The following CSMD1 variants were observed in gnomAD, a reference collection of about 807,000 sequenced individuals.
The protein encoded by CSMD1 is CUB and Sushi multiple domains 1.
In CSMD1, 213 loss-of-function variants were observed where a neutral mutation model predicts 417.5. That is an observed-to-expected ratio of 0.51 (90% CI 0.46 to 0.57). The LOEUF (loss-of-function observed/expected upper bound fraction) is 0.57, where lower values mean the gene tolerates loss of function less well. Among genes scored for constraint, CSMD1 ranks in the 20% least tolerant of loss-of-function variants. The pLI is 0.00. For synonymous variants in CSMD1, 2,862 were observed against 1,736.8 expected (o/e 1.65, Z -16.11); for missense variants, 6,923 against 4,529.7 (o/e 1.53, Z -15.17).
At chr8:3,818,778 C>G (rs1305728031) in intron 5 of CSMD1, among the ~76,000 whole-genome samples, 1 of 152,072 alleles carries the variant, frequency 6.6e-6, no homozygotes, top group Non-Finnish European at 1.5e-5. Context: ...TGGCATAACC[C>G]CAAAACACCC....
At chr8:4,392,420 A>T in intron 3 of CSMD1, among the ~76,000 whole-genome samples, 1 of 152,230 alleles carries the variant, frequency 6.6e-6, no homozygotes, top group Non-Finnish European at 1.5e-5. Context: ...CCCTCCCAAA[A>T]ATATGAAGCC....
intron 7 of CSMD1, among the ~76,000 whole-genome samples, chr8:3,694,501 CAT>C (rs1800440563): frequency 6.6e-6 from 1 of 152,034 alleles, no homozygotes; most frequent in Non-Finnish European, 1.5e-5. Flanking sequence ...AAAGCATGTG[CAT>C]AGAGACAGTC....
At chr8:3,075,494 T>C (rs1813595870) in intron 49 of CSMD1, among the ~76,000 whole-genome samples, 1 of 151,598 alleles carries the variant, frequency 6.6e-6, no homozygotes, top group Non-Finnish European at 1.5e-5. Context: ...TTGGTCAGGC[T>C]GGTCTCGAAC....
chr8:4,369,624 C>A (rs935577972), intron 3 of CSMD1, among the ~76,000 whole-genome samples: 6 of 152,274 alleles, frequency 3.9e-5, no homozygotes, highest in Middle Eastern at 3.4e-3. Flanking sequence ...TGAGTGCTCC[C>A]ACGTTGAGTG....
In CSMD1 at chr8:3,408,269, C is replaced by T. The variant is rs1236373051; in HGVS notation, c.1745-44G>A. ...ATTTTCAAACAGTTATGCACATATC[C>T]AAAGAATTGCCATGTGAAACAGACA... On this transcript the variant is annotated intron_variant, in intron 13 of 69. Coordinates refer to ENST00000635120, the MANE Select transcript of CSMD1 (RefSeq NM_033225.6). The T allele has an allele frequency of 4.2e-6, 6 of 1,441,110 alleles. No homozygotes were observed. In the African/African-American group the frequency reaches 4.2e-5, roughly 10 times the overall value. 89.3% of individuals were successfully genotyped at this position (1,441,110 alleles called of 1,614,324 possible).
chr8:4,490,586 G>A (rs893702965), intron 2 of CSMD1, among the ~76,000 whole-genome samples: 4 of 152,100 alleles, frequency 2.6e-5, no homozygotes, highest in Non-Finnish European at 1.5e-5. Flanking sequence ...TCATCAAGGA[G>A]ATCACAAACA....
chr8:3,049,390 T>C (rs374784458), intron 50 of CSMD1, among the ~76,000 whole-genome samples: 7 of 152,132 alleles, frequency 4.6e-5, no homozygotes, highest in African/African-American at 1.7e-4. Flanking sequence ...CAATGGAATA[T>C]TGTTCAGTAC....
chr8:4,928,676 G>T lies in CSMD1; in HGVS notation c.85+65656C>A, dbSNP rs574868961. 4.6e-5 allele frequency among the ~76,000 whole-genome samples: 7 copies of T among 152,256 alleles called. No homozygotes were observed. In the South Asian group the frequency reaches 1.4e-3, roughly 32 times the overall value. ...CATTGTTACTCAGGGTTTTAATTCA[G>T]CTGAATTGTGCCACCCTAGAATTCA... is the stretch of plus-strand genomic sequence containing the variant. On this transcript the variant is annotated intron_variant, in intron 1 of 69. Transcript: ENST00000635120.
intron 40 of CSMD1, 189 bp downstream of exon 40, chr8:3,151,208 T>G: frequency 1.9e-6 from 1 of 519,418 alleles, no homozygotes; most frequent in Non-Finnish European, 3.4e-6. Flanking sequence ...GTTGCATGGC[T>G]TAATTGATTT....
At chr8:3,781,565 G>C (rs1423593161) in intron 5 of CSMD1, among the ~76,000 whole-genome samples, 4 of 152,126 alleles carry the variant, frequency 2.6e-5, no homozygotes, top group Non-Finnish European at 4.4e-5. Flanking sequence ...ACTCGCTTTT[G>C]AAAAGAACTC....
At chr8:3,377,695 A>G (rs1281227234) in intron 18 of CSMD1, among the ~76,000 whole-genome samples, 1 of 152,094 alleles carries the variant, frequency 6.6e-6, no homozygotes, top group Admixed American at 6.6e-5. Context: ...TTCTGCTCAT[A>G]TCCTGGGATG....
chr8:4,511,808 C>A (rs944048857), intron 2 of CSMD1, among the ~76,000 whole-genome samples: 3 of 152,142 alleles, frequency 2.0e-5, no homozygotes, highest in African/African-American at 7.2e-5. Flanking sequence ...GGGGTCTACA[C>A]ATTATGAGTT....
chr8:4,132,029 C>T (rs1803138915), intron 3 of CSMD1, among the ~76,000 whole-genome samples: 3 of 151,958 alleles, frequency 2.0e-5, no homozygotes, highest in Admixed American at 1.3e-4. Flanking sequence ...CTATCAGAAT[C>T]CCTTCTTGAT....
intron 26 of CSMD1, among the ~76,000 whole-genome samples, chr8:3,254,646 C>G (rs1463676911): frequency 6.6e-6 from 1 of 152,190 alleles, no homozygotes; most frequent in Non-Finnish European, 1.5e-5. Context: ...GATACCCTTT[C>G]TTCTAGTTGA....
At chr8:3,436,070 C>T (rs1016481375) in intron 12 of CSMD1, among the ~76,000 whole-genome samples, 15 of 152,168 alleles carry the variant, frequency 9.9e-5, no homozygotes, top group African/African-American at 3.6e-4. Context: ...CAGAGACTCA[C>T]ACTGCTGGTT....
At chr8:4,837,591 G>C (rs1010112216) in intron 1 of CSMD1, among the ~76,000 whole-genome samples, 2 of 152,086 alleles carry the variant, frequency 1.3e-5, no homozygotes, top group Non-Finnish European at 1.5e-5. Flanking sequence ...GAGAATACAA[G>C]GATGGTTACC....
chr8:3,306,658 T>C (rs1009492251), intron 25 of CSMD1, among the ~76,000 whole-genome samples: 1 of 144,440 alleles, frequency 6.9e-6, no homozygotes, highest in African/African-American at 2.8e-5. Flanking sequence ...ATAACAACAA[T>C]GAAACAGAAA....
intron 3 of CSMD1, among the ~76,000 whole-genome samples, chr8:4,178,946 G>T (rs1255434640): frequency 1.3e-5 from 2 of 152,070 alleles, no homozygotes; most frequent in Non-Finnish European, 2.9e-5. Flanking sequence ...ACAAATGGAA[G>T]AACATTCCAT....
chr8:3,454,283 CTTT>C (rs1815957376), intron 12 of CSMD1, among the ~76,000 whole-genome samples: 2 of 152,126 alleles, frequency 1.3e-5, no homozygotes, highest in Non-Finnish European at 2.9e-5. Context: ...CAGTCTGTGT[CTTT>C]TAATTGGAGC....
Sources: gnomAD v4.1 joint callset for allele counts (sites outside exome capture counted in the v4.1 genomes callset) on GRCh38, gnomAD v4.1.1 for gene constraint, MANE v1.5 for transcripts, NCBI Gene and HGNC (gene_info 2026-07-23, HGNC 2026-07-21) for gene names.